TOP2B: variants seen among roughly 807,000 people sequenced by gnomAD.
TOP2B encodes DNA topoisomerase II beta, also known as DNA topoisomerase 2-beta.
A neutral mutation model predicts 193.5 loss-of-function variants in TOP2B; 51 were observed. That is an observed-to-expected ratio of 0.26 (90% CI 0.21 to 0.33). The LOEUF (loss-of-function observed/expected upper bound fraction) is 0.33. Among genes scored for constraint, TOP2B ranks in the 10% least tolerant of loss-of-function variants. The pLI, the probability that TOP2B is intolerant of heterozygous loss-of-function variation, is 1.00. For missense variants in TOP2B, 1,378 were observed against 1,909.3 expected (o/e 0.72, Z 5.19); for synonymous variants, 634 against 635.7 (o/e 1.00, Z 0.04).
At chr3:25,629,583 A>G (rs1171030252) in intron 13 of TOP2B, among the ~76,000 whole-genome samples, 1 of 152,142 alleles carries the variant, frequency 6.6e-6, no homozygotes, top group East Asian at 1.9e-4. Flanking sequence ...GATTTTCTCT[A>G]CAAATACTTT....
intron 1 of TOP2B, among the ~76,000 whole-genome samples, chr3:25,653,022 C>CA (rs1423519728): frequency 6.6e-6 from 1 of 152,084 alleles, no homozygotes; most frequent in Non-Finnish European, 1.5e-5. Flanking sequence ...ACACATATGG[C>CA]AACAGATTAG....
Position 25,599,328 on chromosome 3 carries a change from T to C in TOP2B, c.4710+107A>G. On this transcript the variant is annotated intron_variant, in intron 35 of 35. Coordinates refer to ENST00000264331, the MANE Select transcript of TOP2B (RefSeq NM_001330700.2). ...ATACAAGCCCCATATTGATACGAGA[T>C]GCTAGGTGGAAAGCTGTTCCAGGAC... 3 of 917,302 alleles carry C rather than the reference T, an allele frequency of 3.3e-6. No individual in the cohort carries two copies. In the Middle Eastern group the frequency reaches 6.5e-4, roughly 200 times the overall value. 56.8% of individuals were successfully genotyped at this position (917,302 alleles called of 1,614,324 possible). A position where few individuals can be genotyped will look rare whatever the true frequency, so the allele number is the denominator to read the frequency against.
intron 1 of TOP2B, among the ~76,000 whole-genome samples, chr3:25,658,650 G>A (rs1264170066): frequency 6.6e-6 from 1 of 151,830 alleles, no homozygotes; most frequent in Non-Finnish European, 1.5e-5. Flanking sequence ...TAACTATATA[G>A]ACTATATATT....
At chr3:25,624,228 C>A (rs1702737638) in intron 20 of TOP2B, 69 bp downstream of exon 20, 1 of 1,546,844 alleles carries the variant, frequency 6.5e-7, no homozygotes, top group Admixed American at 1.7e-5. Context: ...GCTATAATTC[C>A]ATCGAACATT....
In TOP2B at chr3:25,626,648, C is replaced by T. The variant is rs756486363; in HGVS notation, c.2136G>A (p.Lys712=). 3.9e-6 allele frequency: 6 copies of T among 1,535,752 alleles called. No individual in the cohort carries two copies. The highest frequency in any genetic ancestry group is 4.5e-5 in the Admixed American group (2 of 44,522). The stretch of plus-strand genomic sequence containing the variant: ...TGATGAAATCATTATAAGTCAAATG[C>T]TTTGTTGCAGTACCATATAAAAATT... ...PEQFLYGTAT[K]HLTYNDFINK... is the part of the protein sequence containing the mutation. Residue 712 remains lysine (K), a synonymous_variant, in exon 18 of 36, where the codon AAG becomes AAA. Coordinates refer to ENST00000264331, the MANE Select transcript of TOP2B (RefSeq NM_001330700.2).
chr3:25,652,977 C>T (rs968548318), intron 1 of TOP2B, among the ~76,000 whole-genome samples: 1 of 151,876 alleles, frequency 6.6e-6, no homozygotes, highest in Non-Finnish European at 1.5e-5. Flanking sequence ...TAATTGATGT[C>T]ACAGAAATAA....
chr3:25,657,448 C>T (rs1330102549), intron 1 of TOP2B, among the ~76,000 whole-genome samples: 2 of 152,202 alleles, frequency 1.3e-5, no homozygotes, highest in African/African-American at 2.4e-5. Context: ...AAAAATGTCA[C>T]CCTGGGTAGC....
In TOP2B at chr3:25,638,285, T is replaced by A; in HGVS notation, c.421A>T (p.Asn141Tyr). The A allele has an allele frequency of 8.3e-7, 1 of 1,205,854 alleles. No homozygotes were observed. The highest frequency in any genetic ancestry group is 1.1e-6 in the Non-Finnish European group (1 of 909,460). 74.7% of individuals were successfully genotyped at this position (1,205,854 alleles called of 1,614,324 possible). Residue 141 changes from asparagine to tyrosine, a missense_variant, in exon 5 of 36, where the codon AAT becomes TAT. Transcript: ENST00000264331. ...ACTACTGGAATGCCTTTCCCATTAT[T>A]CCAAATGCTTATAATGTTAGATTCA... ...DPESNIISIW[N>Y]NGKGIPVVEH...
chr3:25,623,185 G>A (rs533769097), intron 21 of TOP2B, among the ~76,000 whole-genome samples: 105 of 152,240 alleles, frequency 6.9e-4, no homozygotes, highest in African/African-American at 2.5e-3. Context: ...ACTATTAAGC[G>A]GTAGTTTGAG....
Position 25,624,736 on chromosome 3 carries a change from T to TTTTA in TOP2B, c.2288_2291dup (p.Lys764AsnfsTer12), listed in dbSNP as rs781059004. On this transcript the variant is annotated frameshift_variant, in exon 19 of 36. Coordinates refer to ENST00000264331, the MANE Select transcript of TOP2B (RefSeq NM_001330700.2). LOFTEE classifies it high-confidence loss of function. ...CAACAGAGCCAGCCAACTGGGCAAC[T>TTTTA]TTTACTTCACGTTTATCATTCCTCT... is the stretch of plus-strand genomic sequence containing the variant. The TTTTA allele has an allele frequency of 6.2e-7, 1 of 1,613,810 alleles. No homozygotes were observed. Among genetic ancestry groups the TTTTA allele is most frequent in the Non-Finnish European group, 8.5e-7 (1 of 1,179,764 alleles).
At chr3:25,652,449 A>C (rs943690046) in intron 1 of TOP2B, among the ~76,000 whole-genome samples, 2 of 152,232 alleles carry the variant, frequency 1.3e-5, no homozygotes, top group African/African-American at 4.8e-5. Flanking sequence ...TAACAAACTT[A>C]AGAAGACTAT....
chr3:25,627,515 T>TA (rs1702837005), intron 15 of TOP2B, among the ~76,000 whole-genome samples: 1 of 152,132 alleles, frequency 6.6e-6, no homozygotes, highest in Admixed American at 6.6e-5. Flanking sequence ...CAAACAAATG[T>TA]AACCCAAATC....
At chr3:25,613,739 A>C (rs559498394) in intron 27 of TOP2B, among the ~76,000 whole-genome samples, 1 of 152,046 alleles carries the variant, frequency 6.6e-6, no homozygotes, top group Non-Finnish European at 1.5e-5. Flanking sequence ...AAAAAAAAAA[A>C]CAAAAAAGCC....
chr3:25,664,514 T>TCCGCGTCGC lies in TOP2B; in HGVS notation c.-226_-218dup, dbSNP rs1370968921. 17 of 1,167,280 alleles carry TCCGCGTCGC rather than the reference T, an allele frequency of 1.5e-5. No individual in the cohort carries two copies. Among genetic ancestry groups the TCCGCGTCGC allele is most frequent in the Non-Finnish European group, 1.7e-5 (16 of 947,956 alleles). The allele number at this position is 1,167,280 out of a possible 1,614,324, so 72.3% of individuals were successfully genotyped here. A position where few individuals can be genotyped will look rare whatever the true frequency, so the allele number is the denominator to read the frequency against. ...CTGCCCTCAAACTCGAGGCGCGGCG[T>TCCGCGTCGC]CCGCGTCGCCCGGGCCTAGCGCGGC... On this transcript the variant is annotated 5_prime_UTR_variant, in exon 1 of 36. Transcript: ENST00000264331.
intron 23 of TOP2B, 56 bp downstream of exon 23, chr3:25,619,806 A>G: frequency 7.5e-7 from 1 of 1,334,666 alleles, no homozygotes. Context: ...CAATTATAAT[A>G]ATCCGACTTA....
intron 1 of TOP2B, among the ~76,000 whole-genome samples, chr3:25,663,810 C>T (rs549825354): frequency 8.5e-5 from 13 of 152,168 alleles, no homozygotes; most frequent in Non-Finnish European, 1.6e-4. Flanking sequence ...AATACACACA[C>T]ACACACACCC....
Position 25,598,225 on chromosome 3 carries a change from C to A in TOP2B, c.*82G>T. 2.2e-6 allele frequency: 3 copies of A among 1,382,942 alleles called. No homozygotes were observed. Among genetic ancestry groups the A allele is most frequent in the South Asian group, 1.5e-5 (1 of 66,468 alleles). The allele number at this position is 1,382,942 out of a possible 1,614,324, so 85.7% of individuals were successfully genotyped here. ...ATTACATCATCACATTAAAATAAGC[C>A]AGATGTACAAAAGTCTGAGACAGAG... On this transcript the variant is annotated 3_prime_UTR_variant, in exon 36 of 36. Coordinates refer to ENST00000264331, the MANE Select transcript of TOP2B (RefSeq NM_001330700.2).
At chr3:25,603,748 T>G (rs1390779256) in intron 33 of TOP2B, among the ~76,000 whole-genome samples, 1 of 152,352 alleles carries the variant, frequency 6.6e-6, no homozygotes, top group East Asian at 1.9e-4. Flanking sequence ...TCTAGGAGCT[T>G]AATTCCATAA....
At chr3:25,640,424 A>G (rs1192400340) in intron 4 of TOP2B, among the ~76,000 whole-genome samples, 1 of 152,196 alleles carries the variant, frequency 6.6e-6, no homozygotes, top group African/African-American at 2.4e-5. Flanking sequence ...TCTTCTTGGA[A>G]TAGCTAAGGA....
Sources: gnomAD v4.1 joint callset for allele counts (sites outside exome capture counted in the v4.1 genomes callset) on GRCh38, gnomAD v4.1.1 for gene constraint, MANE v1.5 for transcripts, NCBI Gene and HGNC (gene_info 2026-07-23, HGNC 2026-07-21) for gene names.